ZMIZ1: variants seen among roughly 807,000 people sequenced by gnomAD.
The protein encoded by ZMIZ1 is zinc finger MIZ-type containing 1, also known as zinc finger MIZ domain-containing protein 1.
Under a neutral mutation model 113.9 loss-of-function variants are expected in ZMIZ1, and 17 were observed. The ratio of observed to expected loss-of-function variants is 0.15; its 90% CI spans 0.10 to 0.22. ZMIZ1 has a LOEUF of 0.22. ZMIZ1 is among the 10% of genes least tolerant of loss of function. ZMIZ1 has a pLI of 1.00. For missense variants in ZMIZ1, 1,059 were observed against 1,477.8 expected, an observed-to-expected ratio of 0.72 and a Z score of 4.65; for synonymous variants, 607 against 603.1, an observed-to-expected ratio of 1.01 and a Z score of -0.09.
At chr10:79,105,234 G>T (rs1416525676) in intron 1 of ZMIZ1, among the ~76,000 whole-genome samples, 1 of 152,196 alleles carries the variant, frequency 6.6e-6, no homozygotes, top group Non-Finnish European at 1.5e-5. Context: ...ACCAGCCGCA[G>T]GTCACAGCGA....
chr10:79,251,940 G>A (rs990139056), intron 7 of ZMIZ1, among the ~76,000 whole-genome samples: 13 of 152,172 alleles, frequency 8.5e-5, no homozygotes, highest in African/African-American at 1.2e-4. Flanking sequence ...TGGGTCCTTA[G>A]TGGCTTCTAG....
chr10:79,122,259 A>C (rs1844323779), intron 2 of ZMIZ1, among the ~76,000 whole-genome samples: 1 of 152,088 alleles, frequency 6.6e-6, no homozygotes, highest in African/African-American at 2.4e-5. Flanking sequence ...CCTGCAGAGG[A>C]GGGTCAGTGG....
intron 7 of ZMIZ1, among the ~76,000 whole-genome samples, chr10:79,271,274 C>T (rs1387283891): frequency 1.3e-5 from 2 of 152,206 alleles, no homozygotes; most frequent in Non-Finnish European, 2.9e-5. Flanking sequence ...TCCTGTTGTT[C>T]TCTTCTCTAC....
chr10:79,133,301 C>G (rs567834410), intron 2 of ZMIZ1, among the ~76,000 whole-genome samples: 1 of 152,318 alleles, frequency 6.6e-6, no homozygotes, highest in African/African-American at 2.4e-5. Flanking sequence ...GGGTTCCTGC[C>G]TCTGTACTCT....
intron 1 of ZMIZ1, among the ~76,000 whole-genome samples, chr10:79,082,002 G>A (rs1043183229): frequency 1.3e-5 from 2 of 152,246 alleles, no homozygotes; most frequent in South Asian, 4.1e-4. Context: ...GGCAGAGCTG[G>A]AGCTAAAATC....
At chr10:79,227,322 T>C (rs984811434) in intron 7 of ZMIZ1, among the ~76,000 whole-genome samples, 1 of 152,184 alleles carries the variant, frequency 6.6e-6, no homozygotes, top group African/African-American at 2.4e-5. Flanking sequence ...CAGGGTCCCA[T>C]GGATGATGAA....
At chr10:79,075,586 T>C (rs958694711) in intron 1 of ZMIZ1, among the ~76,000 whole-genome samples, 3 of 151,650 alleles carry the variant, frequency 2.0e-5, no homozygotes, top group Non-Finnish European at 4.4e-5. Context: ...CATGCACACA[T>C]GCACACCTGC....
At chr10:79,123,836 C>T (rs976002975) in intron 2 of ZMIZ1, among the ~76,000 whole-genome samples, 17 of 152,216 alleles carry the variant, frequency 1.1e-4, no homozygotes, top group African/African-American at 3.9e-4. Context: ...GAATGCCAAG[C>T]CCAGCTCACA....
intron 4 of ZMIZ1, among the ~76,000 whole-genome samples, chr10:79,197,919 C>T (rs990468247): frequency 3.9e-5 from 6 of 152,062 alleles, no homozygotes; most frequent in Admixed American, 6.5e-5. Flanking sequence ...TTTTAATCTC[C>T]GCACGCCCAA....
intron 1 of ZMIZ1, among the ~76,000 whole-genome samples, chr10:79,081,545 C>G (rs1397870297): frequency 6.6e-6 from 1 of 152,188 alleles, no homozygotes; most frequent in East Asian, 1.9e-4. Context: ...TAGCCTCTTG[C>G]AGCATGCTCG....
chr10:79,315,245 C>CT lies in ZMIZ1; in HGVS notation c.*2496_*2497insT, dbSNP rs1855459239. On this transcript the variant is annotated 3_prime_UTR_variant, in exon 25 of 25. Transcript: ENST00000334512. ...GTGCCTACAGCCTGCAGTCTGGAGA[C>CT]AAGCTCTTCCGGAGTGCTCTGGGAG... 1 of 152,832 alleles carries CT rather than the reference C, an allele frequency of 6.5e-6. No homozygotes were observed. The highest frequency in any genetic ancestry group is 1.5e-5 in the Non-Finnish European group (1 of 68,126). The allele number at this position is 152,832 out of a possible 1,614,324, so 9.5% of individuals were successfully genotyped here.
Position 79,305,543 on chromosome 10 carries a change from C to T in ZMIZ1, c.2365C>T (p.Leu789=). Residue 789 remains leucine (L), a synonymous_variant, in exon 21 of 25, where the codon CTG becomes TTG. Coordinates refer to ENST00000334512, the MANE Select transcript of ZMIZ1 (RefSeq NM_020338.4). ...WRCPVCNKTA[L]LEGLEVDQYM... ...CATCTCCTTTTCCAGTAAAACCGCT[C>T]TGCTGGAGGGCCTGGAGGTGGATCA... The T allele has an allele frequency of 1.2e-6, 2 of 1,614,122 alleles. No individual in the cohort carries two copies. The highest frequency in any genetic ancestry group is 1.1e-5 in the South Asian group (1 of 91,084).
chr10:79,183,437 GT>G (rs1444495456), intron 4 of ZMIZ1, among the ~76,000 whole-genome samples: 1 of 152,106 alleles, frequency 6.6e-6, no homozygotes, highest in Non-Finnish European at 1.5e-5. Flanking sequence ...ATATTCCCCA[GT>G]TCTCTAGGTT....
intron 1 of ZMIZ1, among the ~76,000 whole-genome samples, chr10:79,112,855 CCCAGGCGTTGGTGGTAAACAA>C (rs1405149647): frequency 6.6e-6 from 1 of 152,216 alleles, no homozygotes; most frequent in Non-Finnish European, 1.5e-5. Flanking sequence ...TCTTGACGGT[CCCAGGCGTTGGTGGTAAACAA>C]CCACACTCCC....
In ZMIZ1 at chr10:79,171,527, C is replaced by G. The variant is rs142522706; in HGVS notation, c.-50+9394C>G. Among the ~76,000 whole-genome samples, 3 of 152,324 alleles carry G rather than the reference C, an allele frequency of 2.0e-5. No homozygotes were observed. In the East Asian group the frequency reaches 5.8e-4, roughly 29 times the overall value. On this transcript the variant is annotated intron_variant, in intron 4 of 24. Transcript: ENST00000334512. ...TAAGGCAGCAGTATTTAGTAAGCAC[C>G]TACTATTTGTGTGGGTCTGTGCTCG... is the stretch of plus-strand genomic sequence containing the variant.
At chr10:79,180,991 A>G (rs1256769162) in intron 4 of ZMIZ1, among the ~76,000 whole-genome samples, 1 of 152,202 alleles carries the variant, frequency 6.6e-6, no homozygotes, top group Non-Finnish European at 1.5e-5. Flanking sequence ...TGATGGGGAA[A>G]CAGAGGCTGA....
At chr10:79,216,041 T>G (rs542755485) in intron 6 of ZMIZ1, 128 bp from the exon 7 acceptor site, 2 of 523,478 alleles carry the variant, frequency 3.8e-6, no homozygotes, top group African/African-American at 4.0e-5. Context: ...CACAGTGGAC[T>G]TCTGGCTCTG....
chr10:79,094,746 C>T (rs750825815), intron 1 of ZMIZ1, among the ~76,000 whole-genome samples: 15 of 152,130 alleles, frequency 9.9e-5, no homozygotes, highest in Non-Finnish European at 2.1e-4. Context: ...CTCAGGAGTT[C>T]GAGACTAGCC....
intron 7 of ZMIZ1, among the ~76,000 whole-genome samples, chr10:79,265,062 C>T (rs752787589): frequency 1.3e-5 from 2 of 152,180 alleles, no homozygotes; most frequent in Non-Finnish European, 2.9e-5. Flanking sequence ...ACAAAACTAG[C>T]CCTGACGGCT....
Sources: allele counts gnomAD v4.1 joint callset (sites outside exome capture counted in the v4.1 genomes callset), GRCh38; gene constraint gnomAD v4.1.1; transcripts MANE v1.5; gene names NCBI Gene and HGNC (gene_info 2026-07-23, HGNC 2026-07-21).